Variants in PLCL2 observed in about 807,000 individuals in gnomAD.
PLCL2 encodes phospholipase C like 2, also known as inactive phospholipase C-like protein 2.
Under a neutral mutation model 79.6 loss-of-function variants are expected in PLCL2, and 4 were observed. The observed-to-expected ratio is 0.05, with a 90% CI of 0.02 to 0.11. The LOEUF is 0.11. Among genes scored for constraint, PLCL2 ranks in the 10% least tolerant of loss-of-function variants. The pLI, the probability that PLCL2 is intolerant of heterozygous loss-of-function variation, is 1.00. For missense variants in PLCL2, 895 were observed against 1,291.0 expected, an observed-to-expected ratio of 0.69 and a Z score of 4.70; for synonymous variants, 484 against 457.7, an observed-to-expected ratio of 1.06 and a Z score of -0.73.
intron 1 of PLCL2, among the ~76,000 whole-genome samples, chr3:16,894,947 T>C (rs1696440754): frequency 6.6e-6 from 1 of 152,090 alleles, no homozygotes; most frequent in Non-Finnish European, 1.5e-5. Flanking sequence ...TTTTTATTTC[T>C]ATCAATCCGT....
intron 1 of PLCL2, among the ~76,000 whole-genome samples, chr3:16,921,142 G>C (rs554979725): frequency 6.6e-6 from 1 of 152,320 alleles, no homozygotes; most frequent in African/African-American, 2.4e-5. Context: ...AGCTTCTTAA[G>C]TGTGTTTATA....
chr3:16,960,815 TTTAAGC>T (rs1460025383), intron 1 of PLCL2, among the ~76,000 whole-genome samples: 2 of 152,248 alleles, frequency 1.3e-5, no homozygotes, highest in Non-Finnish European at 2.9e-5. Context: ...CCTAACTTAC[TTTAAGC>T]TTAAGAGTGA....
In PLCL2 at chr3:16,920,346, A is replaced by G. The variant is rs145915657; in HGVS notation, c.327+34980A>G. ...TATTAGATATGATCTTAATCTTTAT[A>G]TATTTTTCTTTTATAGATGATATAA... On this transcript the variant is annotated intron_variant, in intron 1 of 5. Coordinates refer to ENST00000615277, the MANE Select transcript of PLCL2 (RefSeq NM_001144382.2). 2.6e-5 allele frequency among the ~76,000 whole-genome samples: 4 copies of G among 152,150 alleles called. No homozygotes were observed. The East Asian group carries it at 7.7e-4, about 29-fold the overall frequency.
intron 5 of PLCL2, among the ~76,000 whole-genome samples, chr3:17,083,646 A>G (rs199736014): frequency 7.9e-5 from 12 of 152,260 alleles, no homozygotes; most frequent in East Asian, 7.7e-4. Flanking sequence ...TTAAACCACA[A>G]TGTTGGCAGT....
chr3:17,046,696 T>C (rs2064784121), intron 4 of PLCL2, among the ~76,000 whole-genome samples: 1 of 152,090 alleles, frequency 6.6e-6, no homozygotes, highest in African/African-American at 2.4e-5. Context: ...AGCAACAAAA[T>C]TCTAGAAACT....
intron 1 of PLCL2, among the ~76,000 whole-genome samples, chr3:16,949,451 T>G (rs2063630939): frequency 6.6e-6 from 1 of 152,244 alleles, no homozygotes; most frequent in Non-Finnish European, 1.5e-5. Context: ...CTTGATCCTA[T>G]ATCCATTTTT....
chr3:16,966,151 A>G (rs1372795309), intron 1 of PLCL2, among the ~76,000 whole-genome samples: 138 of 148,274 alleles, frequency 9.3e-4, no homozygotes, highest in African/African-American at 3.2e-3. Flanking sequence ...ATTGGCTGTG[A>G]GTTTGTCATA....
chr3:16,984,760 G>A (rs1374115146), intron 1 of PLCL2, among the ~76,000 whole-genome samples: 3 of 152,158 alleles, frequency 2.0e-5, no homozygotes, highest in Non-Finnish European at 2.9e-5. Context: ...GTGAAACCCT[G>A]TCTCTACTAA....
intron 5 of PLCL2, among the ~76,000 whole-genome samples, chr3:17,075,383 AC>A: frequency 6.6e-6 from 1 of 152,162 alleles, no homozygotes; most frequent in Non-Finnish European, 1.5e-5. Flanking sequence ...ATCAAAGACC[AC>A]CAATCACAAA....
At chr3:17,071,823 T>C (rs34704046) in intron 5 of PLCL2, among the ~76,000 whole-genome samples, 18,902 of 151,962 alleles carry the variant, frequency 0.12, 1,598 homozygotes, top group Non-Finnish European at 0.17. Flanking sequence ...GCAGACATAA[T>C]TCTTTTTTTT....
In PLCL2 at chr3:16,989,557, A is replaced by C. The variant is rs565781515; in HGVS notation, c.328-20117A>C. Among the ~76,000 whole-genome samples the C allele has an allele frequency of 1.8e-4, 27 of 152,282 alleles. No homozygotes were observed. In the South Asian group the frequency reaches 5.6e-3, roughly 32 times the overall value. On this transcript the variant is annotated intron_variant, in intron 1 of 5. Coordinates refer to ENST00000615277, the MANE Select transcript of PLCL2 (RefSeq NM_001144382.2). ...TTTTGGATATTTTGAGTTAAATAAAATTATTGAAGTTTATTTTACCTGTTT... is the reference window on the plus strand; with the variant it reads ...TTTTGGATATTTTGAGTTAAATAAACTTATTGAAGTTTATTTTACCTGTTT...
intron 1 of PLCL2, among the ~76,000 whole-genome samples, chr3:16,957,285 TACC>T (rs2063714982): frequency 6.6e-6 from 1 of 152,258 alleles, no homozygotes; most frequent in Non-Finnish European, 1.5e-5. Flanking sequence ...TTTCGTTATG[TACC>T]CAGTAGTCAC....
At chr3:17,056,286 C>T (rs866134807) in intron 4 of PLCL2, among the ~76,000 whole-genome samples, 1 of 152,218 alleles carries the variant, frequency 6.6e-6, no homozygotes, top group Non-Finnish European at 1.5e-5. Flanking sequence ...AAATGAATCA[C>T]CTTTCTCATA....
chr3:16,964,478 A>C (rs1283431121), intron 1 of PLCL2, among the ~76,000 whole-genome samples: 8 of 152,146 alleles, frequency 5.3e-5, no homozygotes, highest in South Asian at 2.1e-4. Context: ...CTGCAATAAA[A>C]ATACGTGTGC....
chr3:17,040,545 A>C (rs957261424), intron 3 of PLCL2, among the ~76,000 whole-genome samples: 1 of 152,176 alleles, frequency 6.6e-6, no homozygotes, highest in African/African-American at 2.4e-5. Context: ...ATGCTCTGCC[A>C]GGCCTCCTGG....
chr3:16,898,344 A>G (rs1056172281), intron 1 of PLCL2, among the ~76,000 whole-genome samples: 9 of 152,158 alleles, frequency 5.9e-5, no homozygotes, highest in African/African-American at 2.4e-5. Flanking sequence ...AATATTTACC[A>G]AGTGAAGAAT....
In PLCL2 at chr3:17,067,941, TTTTA is replaced by T. The variant is rs770080192; in HGVS notation, c.3095-11_3095-8del. 4.4e-5 allele frequency: 66 copies of T among 1,502,978 alleles called. No individual in the cohort carries two copies. The African/African-American group carries it at 7.3e-4, about 17-fold the overall frequency. The allele number at this position is 1,502,978 out of a possible 1,614,324, so 93.1% of individuals were successfully genotyped here. On this transcript the variant is annotated splice_polypyrimidine_tract_variant and intron_variant, in intron 4 of 5. Transcript: ENST00000615277. ...GATGGGAGTTAATATACTTTGTCTT[TTTTA>T]TTTCTTTCAGCCATGGAATTCCATG...
chr3:16,986,468 A>G (rs2064051480), intron 1 of PLCL2, among the ~76,000 whole-genome samples: 1 of 152,084 alleles, frequency 6.6e-6, no homozygotes. Context: ...GTGGCATGAT[A>G]TCGGCTCACT....
At chr3:16,961,549 G>A (rs941739067) in intron 1 of PLCL2, among the ~76,000 whole-genome samples, 1 of 152,168 alleles carries the variant, frequency 6.6e-6, no homozygotes, top group African/African-American at 2.4e-5. Flanking sequence ...TCAGGTGAAG[G>A]GTAACTGGCA....
Sources: allele counts gnomAD v4.1 joint callset (sites outside exome capture counted in the v4.1 genomes callset), GRCh38; gene constraint gnomAD v4.1.1; transcripts MANE v1.5; gene names NCBI Gene and HGNC (gene_info 2026-07-23, HGNC 2026-07-21).